GPC6: variants seen among roughly 807,000 people sequenced by gnomAD.
The protein encoded by GPC6 is glypican-6.
In GPC6, 14 loss-of-function variants were observed where a neutral mutation model predicts 55.2. The ratio of observed to expected loss-of-function variants is 0.25; its 90% CI spans 0.17 to 0.40. The LOEUF (loss-of-function observed/expected upper bound fraction) is 0.40, where lower values mean the gene tolerates loss of function less well. GPC6 is among the 10% of genes least tolerant of loss of function. The pLI is 1.00. For missense variants in GPC6, 641 were observed against 708.5 expected (o/e 0.90, Z 1.08); for synonymous variants, 278 against 259.6 (o/e 1.07, Z -0.68).
At chr13:93,724,260 T>G (rs972002876) in intron 2 of GPC6, among the ~76,000 whole-genome samples, 1 of 152,016 alleles carries the variant, frequency 6.6e-6, no homozygotes, top group Non-Finnish European at 1.5e-5. Context: ...TGAAGATGTA[T>G]TGCTTTCAGG....
At chr13:94,368,438 C>T (rs922574015) in intron 6 of GPC6, among the ~76,000 whole-genome samples, 2 of 152,124 alleles carry the variant, frequency 1.3e-5, no homozygotes, top group East Asian at 3.9e-4. Flanking sequence ...AGCAATTTCT[C>T]CACCAAGCAT....
chr13:93,974,635 T>C (rs1880437875), intron 3 of GPC6, among the ~76,000 whole-genome samples: 2 of 152,176 alleles, frequency 1.3e-5, no homozygotes, highest in South Asian at 2.1e-4. Flanking sequence ...CTGTAATTAA[T>C]AGGACGTTTG....
intron 2 of GPC6, among the ~76,000 whole-genome samples, chr13:93,735,751 G>T (rs1414591401): frequency 6.6e-6 from 1 of 152,142 alleles, no homozygotes; most frequent in African/African-American, 2.4e-5. Context: ...CATTCTAGGG[G>T]ACACCATTGT....
intron 3 of GPC6, among the ~76,000 whole-genome samples, chr13:93,893,560 T>C (rs1232756316): frequency 6.6e-6 from 1 of 152,148 alleles, no homozygotes; most frequent in Non-Finnish European, 1.5e-5. Flanking sequence ...AACCCTCTTG[T>C]GTTCAAGTTG....
At chr13:94,368,228 C>A (rs980931212) in intron 6 of GPC6, among the ~76,000 whole-genome samples, 1 of 151,394 alleles carries the variant, frequency 6.6e-6, no homozygotes, top group African/African-American at 2.4e-5. Flanking sequence ...TCATTGAACT[C>A]CCTGGGAACA....
intron 4 of GPC6, among the ~76,000 whole-genome samples, chr13:94,266,900 A>G (rs941876258): frequency 6.1e-4 from 93 of 152,206 alleles, no homozygotes; most frequent in African/African-American, 2.1e-3. Flanking sequence ...TGAGTCTTGC[A>G]TTGATCTTCA....
intron 1 of GPC6, among the ~76,000 whole-genome samples, chr13:93,418,760 A>G (rs189114072): frequency 6.4e-4 from 97 of 151,090 alleles, no homozygotes; most frequent in African/African-American, 2.1e-3. Context: ...ATACCGTAGC[A>G]TCACTTTATT....
intron 2 of GPC6, among the ~76,000 whole-genome samples, chr13:93,621,819 T>A (rs1028722384): frequency 2.6e-5 from 4 of 152,184 alleles, no homozygotes; most frequent in African/African-American, 9.6e-5. Context: ...CAAGTCAGGT[T>A]ATTTCAAGTG....
At chr13:93,562,326 C>T (rs1023822894) in intron 2 of GPC6, among the ~76,000 whole-genome samples, 1 of 151,966 alleles carries the variant, frequency 6.6e-6, no homozygotes, top group African/African-American at 2.4e-5. Flanking sequence ...ATATTTGAAA[C>T]AAATATAACA....
At chr13:94,083,506 G>C (rs2138800551) in intron 4 of GPC6, among the ~76,000 whole-genome samples, 1 of 152,284 alleles carries the variant, frequency 6.6e-6, no homozygotes, top group African/African-American at 2.4e-5. Context: ...CCATAAAAAT[G>C]CAAGTTTCAT....
At chr13:93,402,070 C>G (rs1259895270) in intron 1 of GPC6, among the ~76,000 whole-genome samples, 1 of 152,064 alleles carries the variant, frequency 6.6e-6, no homozygotes, top group Non-Finnish European at 1.5e-5. Context: ...TGTCATAGGA[C>G]AAGTAAAAGG....
At chr13:93,471,694 T>G (rs1879123524) in intron 1 of GPC6, among the ~76,000 whole-genome samples, 1 of 67,014 alleles carries the variant, frequency 1.5e-5, no homozygotes, top group African/African-American at 6.7e-5. Context: ...AATTTTATGT[T>G]TTTTTTATTA....
chr13:93,349,870 A>G (rs1456903392), intron 1 of GPC6, among the ~76,000 whole-genome samples: 1 of 152,210 alleles, frequency 6.6e-6, no homozygotes, highest in African/African-American at 2.4e-5. Flanking sequence ...TAATTAGTGA[A>G]TCATATTCAA....
At chr13:93,872,844 T>G (rs1889169371) in intron 3 of GPC6, among the ~76,000 whole-genome samples, 1 of 152,004 alleles carries the variant, frequency 6.6e-6, no homozygotes, top group Admixed American at 6.6e-5. Flanking sequence ...TGTGTTTGTT[T>G]CCAGAATGTC....
intron 3 of GPC6, among the ~76,000 whole-genome samples, chr13:93,835,202 C>G (rs1240660654): frequency 6.6e-6 from 1 of 152,158 alleles, no homozygotes; most frequent in Non-Finnish European, 1.5e-5. Context: ...ACTTGTAATT[C>G]TAGCACTTGA....
At chr13:93,499,394 TG>T (rs1880440146) in intron 1 of GPC6, among the ~76,000 whole-genome samples, 1 of 152,218 alleles carries the variant, frequency 6.6e-6, no homozygotes, top group Admixed American at 6.5e-5. Context: ...TTGAACATTC[TG>T]TCAAAGTCAT....
chr13:94,392,509 A>G (rs1223327161), intron 7 of GPC6, among the ~76,000 whole-genome samples: 1 of 145,886 alleles, frequency 6.9e-6, no homozygotes, highest in Non-Finnish European at 1.5e-5. Flanking sequence ...AGCTCACCAC[A>G]ACCTCCGCAT....
chr13:94,047,924 A>C (rs935605390), intron 4 of GPC6, among the ~76,000 whole-genome samples: 3 of 152,096 alleles, frequency 2.0e-5, no homozygotes, highest in Admixed American at 2.0e-4. Flanking sequence ...AATCTAGTTA[A>C]TGCATTTCTG....
chr13:93,224,843 T>C (rs1339688463), upstream of GPC6, among the ~76,000 whole-genome samples: 8 of 152,224 alleles, frequency 5.3e-5, no homozygotes, highest in Admixed American at 1.3e-4. Context: ...TTGGTCTGAC[T>C]TGAGTTCACA....
Sources: gnomAD v4.1 joint callset for allele counts (sites outside exome capture counted in the v4.1 genomes callset) on GRCh38, gnomAD v4.1.1 for gene constraint, MANE v1.5 for transcripts, NCBI Gene and HGNC (gene_info 2026-07-23, HGNC 2026-07-21) for gene names.